Variants in GPR107 observed in about 807,000 individuals in gnomAD.
GPR107 encodes protein GPR107.
In GPR107, 31 loss-of-function variants were observed where a neutral mutation model predicts 75.5. The ratio of observed to expected loss-of-function variants is 0.41; its 90% CI spans 0.31 to 0.55. The LOEUF is 0.55. Among genes scored for constraint, GPR107 ranks in the 20% least tolerant of loss-of-function variants. GPR107 has a pLI of 0.26. For synonymous variants in GPR107, 267 were observed against 251.3 expected, an observed-to-expected ratio of 1.06 and a Z score of -0.59; for missense variants, 572 against 665.7, an observed-to-expected ratio of 0.86 and a Z score of 1.55.
At chr9:130,060,402 GTTTTTTTTTT>G (rs11403227) in intron 1 of GPR107, among the ~76,000 whole-genome samples, 2,869 of 76,044 alleles carry the variant, frequency 0.038, 52 homozygotes, top group Middle Eastern at 0.077. Context: ...GATAATCCGA[GTTTTTTTTTT>G]TTTTTTTTTT....
At chr9:130,087,063 G>C (rs1349636737) in intron 7 of GPR107, among the ~76,000 whole-genome samples, 2 of 152,114 alleles carry the variant, frequency 1.3e-5, no homozygotes, top group East Asian at 3.9e-4. Flanking sequence ...TTTGAGACAA[G>C]GTCTCACTCT....
At chr9:130,098,009 G>A (rs530141785) in intron 9 of GPR107, among the ~76,000 whole-genome samples, 3 of 152,188 alleles carry the variant, frequency 2.0e-5, no homozygotes, top group African/African-American at 7.2e-5. Context: ...AGCCTCCCAA[G>A]TAGCTGGGAC....
chr9:130,133,969 G>A (rs755581813), intron 17 of GPR107, among the ~76,000 whole-genome samples: 20 of 152,078 alleles, frequency 1.3e-4, no homozygotes, highest in Non-Finnish European at 1.9e-4. Flanking sequence ...TCACATATAC[G>A]GCCACTGTGT....
chr9:130,059,662 T>C (rs1431400619), intron 1 of GPR107, among the ~76,000 whole-genome samples: 1 of 151,908 alleles, frequency 6.6e-6, no homozygotes, highest in Non-Finnish European at 1.5e-5. Context: ...TCATTGGTCA[T>C]AAATGGATTG....
intron 13 of GPR107, among the ~76,000 whole-genome samples, chr9:130,106,634 A>ATAG (rs1211047832): frequency 2.6e-5 from 4 of 151,190 alleles, no homozygotes; most frequent in African/African-American, 7.3e-5. Context: ...AATAATAATA[A>ATAG]TAATACTTGT....
rs1363598211 is a variant in GPR107 at position 130,076,896 on chromosome 9, T to G, written c.307-403T>G. Among the ~76,000 whole-genome samples, 2 of 151,238 alleles carry G rather than the reference T, an allele frequency of 1.3e-5. 1 individual carries two copies. The highest frequency in any genetic ancestry group is 3.9e-4 in the East Asian group (2 of 5,142). On this transcript the variant is annotated intron_variant, in intron 3 of 17. Coordinates refer to ENST00000347136, the MANE Select transcript of GPR107 (RefSeq NM_020960.5). ...AGTTGGTTTACTTTTGTTTTTTGTT[T>G]TTTTTTTTGAGACAGAGTCTCACTC... is the stretch of plus-strand genomic sequence containing the variant.
intron 14 of GPR107, among the ~76,000 whole-genome samples, chr9:130,108,182 C>T (rs767026192): frequency 1.3e-5 from 2 of 152,176 alleles, no homozygotes; most frequent in Non-Finnish European, 2.9e-5. Flanking sequence ...AATTTCAGAC[C>T]ACAAGGGTTT....
In GPR107 at chr9:130,089,669, A is replaced by G. The variant is rs114379137; in HGVS notation, c.622-1207A>G. Among the ~76,000 whole-genome samples the G allele has an allele frequency of 4.2e-3, 638 of 152,230 alleles. 4 individuals are homozygous for G. Among genetic ancestry groups the G allele is most frequent in the African/African-American group, 0.015 (609 of 41,516 alleles). ...AAAATTATATCTTTTAAACTTTCAT[A>G]TCTTTTTTAGACTTCCCCTGAATCT... is the stretch of plus-strand genomic sequence containing the variant. On this transcript the variant is annotated intron_variant, in intron 7 of 17. Transcript: ENST00000347136.
chr9:130,087,986 A>G (rs971293638), intron 7 of GPR107, among the ~76,000 whole-genome samples: 3 of 152,050 alleles, frequency 2.0e-5, no homozygotes, highest in African/African-American at 4.8e-5. Flanking sequence ...TTCTTTTTCC[A>G]TGGATCATTT....
At chr9:130,125,953 G>A (rs1831666687) in intron 15 of GPR107, among the ~76,000 whole-genome samples, 1 of 151,546 alleles carries the variant, frequency 6.6e-6, no homozygotes, top group South Asian at 2.1e-4. Flanking sequence ...TACTTGGCAG[G>A]CTGAGGCAGG....
chr9:130,097,329 A>G (rs994022353), intron 9 of GPR107, among the ~76,000 whole-genome samples: 2 of 151,406 alleles, frequency 1.3e-5, no homozygotes, highest in African/African-American at 2.4e-5. Context: ...TAATTTTTGT[A>G]TTTTTAGTAG....
At chr9:130,110,958 G>A (rs1564678842) in intron 14 of GPR107, among the ~76,000 whole-genome samples, 1 of 152,100 alleles carries the variant, frequency 6.6e-6, no homozygotes, top group East Asian at 1.9e-4. Flanking sequence ...CCTGTTCTCA[G>A]GCTCATTATT....
intron 9 of GPR107, among the ~76,000 whole-genome samples, chr9:130,096,876 C>A (rs926721905): frequency 2.0e-5 from 3 of 152,198 alleles, no homozygotes; most frequent in Admixed American, 1.3e-4. Flanking sequence ...CAGTATTATC[C>A]TTTCTGCGAT....
chr9:130,120,220 C>T (rs919163960), intron 14 of GPR107, among the ~76,000 whole-genome samples: 5 of 152,200 alleles, frequency 3.3e-5, no homozygotes, highest in East Asian at 1.9e-4. Flanking sequence ...GCATCTGCGC[C>T]GTGGTGATGT....
intron 14 of GPR107, 41 bp downstream of exon 14, chr9:130,107,580 C>G: frequency 7.4e-7 from 1 of 1,352,204 alleles, no homozygotes; most frequent in Non-Finnish European, 1.1e-6. Context: ...TCAGCTTGCT[C>G]TGAACCCACG....
intron 1 of GPR107, among the ~76,000 whole-genome samples, chr9:130,066,980 C>T (rs1056535964): frequency 5.3e-5 from 8 of 150,498 alleles, no homozygotes; most frequent in African/African-American, 1.7e-4. Flanking sequence ...AGCGAGACTC[C>T]GTCTCCAAAA....
intron 6 of GPR107, among the ~76,000 whole-genome samples, chr9:130,085,702 T>C (rs1830596346): frequency 6.6e-6 from 1 of 151,646 alleles, no homozygotes; most frequent in South Asian, 2.1e-4. Context: ...CATTGTTGCA[T>C]GTATCATTTC....
In GPR107 at chr9:130,069,505, G is replaced by A. The variant is rs577730351; in HGVS notation, c.142-6131G>A. 5.9e-5 allele frequency among the ~76,000 whole-genome samples: 9 copies of A among 152,144 alleles called. No homozygotes were observed. In the South Asian group the frequency reaches 1.2e-3, roughly 21 times the overall value. ...CATGCTGCTTTGTCACATCCTCCTCGCTTGTACTTTCTTCAGTCTCAAGAT... is the reference window on the plus strand; with the variant it reads ...CATGCTGCTTTGTCACATCCTCCTCACTTGTACTTTCTTCAGTCTCAAGAT... On this transcript the variant is annotated intron_variant, in intron 1 of 17. Coordinates refer to ENST00000347136, the MANE Select transcript of GPR107 (RefSeq NM_020960.5).
chr9:130,123,659 AT>A (rs963265701), intron 14 of GPR107, among the ~76,000 whole-genome samples: 71 of 137,706 alleles, frequency 5.2e-4, no homozygotes, highest in Non-Finnish European at 4.6e-4. Flanking sequence ...TAATTTTTTA[AT>A]TTTTTTTTTT....
Sources: gnomAD v4.1 joint callset for allele counts (sites outside exome capture counted in the v4.1 genomes callset) on GRCh38, gnomAD v4.1.1 for gene constraint, MANE v1.5 for transcripts, NCBI Gene and HGNC (gene_info 2026-07-23, HGNC 2026-07-21) for gene names.